Variants in MGAT4C observed in about 807,000 individuals in gnomAD.
The protein encoded by MGAT4C is MGAT4 family member C.
In MGAT4C, 19 loss-of-function variants were observed where a neutral mutation model predicts 40.1. The observed-to-expected ratio is 0.47, with a 90% CI of 0.33 to 0.70. MGAT4C has a LOEUF of 0.70. Ranked by LOEUF, MGAT4C falls within the 30% of genes least tolerant of loss-of-function variation. MGAT4C has a pLI of 0.02. For synonymous variants in MGAT4C, 181 were observed against 187.1 expected (o/e 0.97, Z 0.27); for missense variants, 491 against 563.2 (o/e 0.87, Z 1.30).
intron 1 of MGAT4C, among the ~76,000 whole-genome samples, chr12:86,069,820 T>G (rs991805449): frequency 1.3e-5 from 2 of 151,882 alleles, no homozygotes; most frequent in African/African-American, 2.4e-5. Context: ...TCGGGCAATG[T>G]TTTTTTTCCC....
rs111490543 is a variant in MGAT4C at position 86,017,285 on chromosome 12, G to T, written c.-6-27733C>A. 4.2e-3 allele frequency among the ~76,000 whole-genome samples: 641 copies of T among 152,190 alleles called. 4 individuals are homozygous for T. The highest frequency in any genetic ancestry group is 0.015 in the African/African-American group (617 of 41,534). On this transcript the variant is annotated intron_variant, in intron 2 of 4. Transcript: ENST00000611864. ...GACAAACTACCAGCCATGAAGATTT[G>T]TATTTATTATCTACAGCATGGTACT... is the stretch of plus-strand genomic sequence containing the variant.
rs189954485 is a variant in MGAT4C at position 85,996,790 on chromosome 12, G to T, written c.-6-7238C>A. On this transcript the variant is annotated intron_variant, in intron 2 of 4. Coordinates refer to ENST00000611864, the MANE Select transcript of MGAT4C (RefSeq NM_001351288.2). ...AAGGATAAAAAAGGGAATAAATAAA[G>T]GAGGAAGAAAGGAAAGAAAGAGAAT... is the stretch of plus-strand genomic sequence containing the variant. 2.5e-3 allele frequency among the ~76,000 whole-genome samples: 378 copies of T among 152,080 alleles called. 1 individual carries two copies. Among genetic ancestry groups the T allele is most frequent in the Non-Finnish European group, 3.1e-3 (210 of 67,990 alleles).
intron 4 of MGAT4C, among the ~76,000 whole-genome samples, chr12:86,322,661 T>C (rs1258647233): frequency 6.6e-6 from 1 of 152,086 alleles, no homozygotes; most frequent in Non-Finnish European, 1.5e-5. Context: ...TATAATTCAT[T>C]GAAAATGGTC....
At chr12:86,456,342 C>T (rs1957511588) in intron 2 of MGAT4C, among the ~76,000 whole-genome samples, 2 of 152,036 alleles carry the variant, frequency 1.3e-5, no homozygotes, top group African/African-American at 4.8e-5. Flanking sequence ...ATCGCATAAT[C>T]TTTATTAAAA....
chr12:86,037,977 G>T (rs539140534), intron 2 of MGAT4C, among the ~76,000 whole-genome samples: 1 of 149,758 alleles, frequency 6.7e-6, no homozygotes, highest in African/African-American at 2.4e-5. Flanking sequence ...ACGAAGTCCA[G>T]TGGAGTCAAA....
intron 1 of MGAT4C, among the ~76,000 whole-genome samples, chr12:86,781,857 ATTGT>A (rs1951846406): frequency 6.6e-6 from 1 of 152,128 alleles, no homozygotes; most frequent in South Asian, 2.1e-4. Context: ...TTTGTATAGA[ATTGT>A]TTGCTTAGTG....
chr12:86,052,860 C>G (rs2136974158), intron 1 of MGAT4C, among the ~76,000 whole-genome samples: 1 of 152,060 alleles, frequency 6.6e-6, no homozygotes, highest in African/African-American at 2.4e-5. Context: ...TCTTGCTGAT[C>G]TGTCCCATCT....
At chr12:86,651,134 C>G (rs969734785) in intron 2 of MGAT4C, among the ~76,000 whole-genome samples, 2 of 151,760 alleles carry the variant, frequency 1.3e-5, no homozygotes, top group Admixed American at 1.3e-4. Context: ...TAATAAGATA[C>G]GTTAAATGGT....
intron 4 of MGAT4C, among the ~76,000 whole-genome samples, chr12:86,316,079 C>CAAAAAAA (rs71076185): frequency 2.6e-4 from 9 of 34,058 alleles, no homozygotes; most frequent in African/African-American, 4.6e-4. Context: ...ATACAAGCAG[C>CAAAAAAA]AAAAAAAAAA....
chr12:86,418,770 A>G (rs1292963626), intron 3 of MGAT4C, among the ~76,000 whole-genome samples: 3 of 152,146 alleles, frequency 2.0e-5, no homozygotes, highest in Non-Finnish European at 4.4e-5. Context: ...GTTTAAAAAG[A>G]GTAAAGCATC....
intron 1 of MGAT4C, among the ~76,000 whole-genome samples, chr12:86,195,420 G>A (rs1949766020): frequency 6.6e-6 from 1 of 152,054 alleles, no homozygotes. Flanking sequence ...TTTTTTAAAG[G>A]AGACATTGAA....
intron 2 of MGAT4C, among the ~76,000 whole-genome samples, chr12:86,604,429 G>A (rs763581486): frequency 2.0e-5 from 3 of 151,994 alleles, no homozygotes; most frequent in Admixed American, 6.6e-5. Flanking sequence ...GCTTTCCAGG[G>A]AACAGAACAT....
chr12:86,713,493 G>A (rs1437745016), intron 2 of MGAT4C, among the ~76,000 whole-genome samples: 2 of 151,760 alleles, frequency 1.3e-5, no homozygotes, highest in Non-Finnish European at 2.9e-5. Flanking sequence ...TAATATTTGT[G>A]GAATTATAAG....
intron 2 of MGAT4C, among the ~76,000 whole-genome samples, chr12:86,585,153 T>A (rs1040148846): frequency 3.3e-5 from 5 of 151,430 alleles, no homozygotes; most frequent in African/African-American, 1.2e-4. Context: ...TATGTTATAC[T>A]TAAATATTAT....
chr12:86,053,890 G>A (rs1893130753), intron 1 of MGAT4C, among the ~76,000 whole-genome samples: 1 of 151,880 alleles, frequency 6.6e-6, no homozygotes, highest in African/African-American at 2.4e-5. Flanking sequence ...AATTCATGAT[G>A]AGTTATCACC....
chr12:86,167,701 A>G (rs1886339060), intron 1 of MGAT4C, among the ~76,000 whole-genome samples: 1 of 152,218 alleles, frequency 6.6e-6, no homozygotes, highest in African/African-American at 2.4e-5. Context: ...TCCTGAGATA[A>G]CAATATTAAT....
At chr12:86,382,798 T>G (rs1955967177) in intron 3 of MGAT4C, among the ~76,000 whole-genome samples, 1 of 152,218 alleles carries the variant, frequency 6.6e-6, no homozygotes, top group Non-Finnish European at 1.5e-5. Context: ...CCTTAGAAGT[T>G]TCCATGGGAT....
chr12:86,798,978 C>A (rs1301837072), intron 1 of MGAT4C, among the ~76,000 whole-genome samples: 1 of 151,682 alleles, frequency 6.6e-6, no homozygotes, highest in Non-Finnish European at 1.5e-5. Flanking sequence ...TAGAAGGGAC[C>A]TTTGCTTAAA....
intron 3 of MGAT4C, among the ~76,000 whole-genome samples, chr12:86,369,442 A>C (rs1955675193): frequency 6.6e-6 from 1 of 151,390 alleles, no homozygotes; most frequent in African/African-American, 2.4e-5. Flanking sequence ...GTGTTTTGAT[A>C]ATTTTCTGTA....
Sources: allele counts gnomAD v4.1 joint callset (sites outside exome capture counted in the v4.1 genomes callset), GRCh38; gene constraint gnomAD v4.1.1; transcripts MANE v1.5; gene names NCBI Gene and HGNC (gene_info 2026-07-23, HGNC 2026-07-21).